The following NAALADL2 variants were observed in gnomAD, a reference collection of about 807,000 sequenced individuals.
NAALADL2 encodes N-acetylated alpha-linked acidic dipeptidase like 2.
Under a neutral mutation model 87.2 loss-of-function variants are expected in NAALADL2, and 76 were observed. The observed-to-expected ratio is 0.87, with a 90% CI of 0.72 to 1.05. The LOEUF (loss-of-function observed/expected upper bound fraction) is 1.05, where lower values mean the gene tolerates loss of function less well. NAALADL2 is among the 50% of genes least tolerant of loss of function. The pLI, the probability that NAALADL2 is intolerant of heterozygous loss-of-function variation, is 0.00. For synonymous variants in NAALADL2, 354 were observed against 331.0 expected, an observed-to-expected ratio of 1.07 and a Z score of -0.75; for missense variants, 1,089 against 945.8, an observed-to-expected ratio of 1.15 and a Z score of -1.99.
chr3:175,504,677 C>A (rs1730052817), intron 9 of NAALADL2, among the ~76,000 whole-genome samples: 1 of 149,556 alleles, frequency 6.7e-6, no homozygotes, highest in African/African-American at 2.5e-5. Flanking sequence ...TCACCAGAAC[C>A]CAACCAATGA....
chr3:175,064,032 T>A (rs1312117004), intron 1 of NAALADL2, among the ~76,000 whole-genome samples: 1 of 152,136 alleles, frequency 6.6e-6, no homozygotes, highest in Non-Finnish European at 1.5e-5. Context: ...CAATGTGAAG[T>A]TCAGAAATCC....
intron 3 of NAALADL2, among the ~76,000 whole-genome samples, chr3:174,807,943 A>AAATTAAGTT (rs1360529083): frequency 1.3e-5 from 2 of 151,818 alleles, no homozygotes; most frequent in African/African-American, 4.8e-5. Context: ...TATAAAGCCC[A>AAATTAAGTT]AATTAAGTTA....
At chr3:175,744,101 C>T in intron 12 of NAALADL2, among the ~76,000 whole-genome samples, 1 of 152,048 alleles carries the variant, frequency 6.6e-6, no homozygotes, top group East Asian at 1.9e-4. Context: ...AACCAGGTTT[C>T]AACTAAAGCA....
chr3:175,401,014 A>G (rs989730736), intron 5 of NAALADL2, among the ~76,000 whole-genome samples: 2 of 152,212 alleles, frequency 1.3e-5, no homozygotes, highest in African/African-American at 4.8e-5. Flanking sequence ...CTCTAAAGTT[A>G]GCGGCTTTCT....
chr3:174,855,635 C>A (rs550770627), upstream of NAALADL2, among the ~76,000 whole-genome samples: 197 of 151,852 alleles, frequency 1.3e-3, 4 homozygotes, highest in Non-Finnish European at 2.0e-3. Flanking sequence ...CTTTTATTCA[C>A]CCTTTCTGAT....
At chr3:174,943,342 G>T (rs1738902690) in intron 1 of NAALADL2, among the ~76,000 whole-genome samples, 1 of 152,192 alleles carries the variant, frequency 6.6e-6, no homozygotes, top group African/African-American at 2.4e-5. Context: ...GTATGCTCCA[G>T]TAGGTGGCAT....
At chr3:175,068,730 T>C (rs1715007289) in intron 1 of NAALADL2, among the ~76,000 whole-genome samples, 1 of 152,104 alleles carries the variant, frequency 6.6e-6, no homozygotes, top group Admixed American at 6.6e-5. Context: ...GGAGATAAGA[T>C]TTATAATTTA....
At chr3:174,710,720 T>C (rs551144542) in intron 2 of NAALADL2, among the ~76,000 whole-genome samples, 10 of 152,266 alleles carry the variant, frequency 6.6e-5, no homozygotes, top group African/African-American at 2.4e-4. Context: ...TCCTAGCTGA[T>C]AGCCAGCAAG....
chr3:174,567,309 A>G (rs897986087), intron 2 of NAALADL2, among the ~76,000 whole-genome samples: 1 of 151,608 alleles, frequency 6.6e-6, no homozygotes, highest in Non-Finnish European at 1.5e-5. Context: ...TAAAATCAAT[A>G]TTGGATTTAT....
At chr3:174,464,821 C>T (rs1315924510) in intron 1 of NAALADL2, among the ~76,000 whole-genome samples, 2 of 151,902 alleles carry the variant, frequency 1.3e-5, no homozygotes, top group Non-Finnish European at 2.9e-5. Context: ...TTAGGATTCA[C>T]TCTTCAGGTA....
chr3:174,466,687 T>A (rs1419371492), intron 1 of NAALADL2, among the ~76,000 whole-genome samples: 1 of 152,108 alleles, frequency 6.6e-6, no homozygotes, highest in African/African-American at 2.4e-5. Flanking sequence ...GTGAGAACAT[T>A]GAATTGTAGG....
chr3:174,799,839 A>G (rs1278890611), intron 3 of NAALADL2, among the ~76,000 whole-genome samples: 1 of 152,184 alleles, frequency 6.6e-6, no homozygotes, highest in Non-Finnish European at 1.5e-5. Context: ...GATGTCGAAT[A>G]TAAGGTCCAG....
chr3:174,493,274 A>G (rs911946283), intron 1 of NAALADL2, among the ~76,000 whole-genome samples: 3 of 152,206 alleles, frequency 2.0e-5, no homozygotes, highest in Non-Finnish European at 4.4e-5. Context: ...TAGAGTGGAC[A>G]CTAATCTAAT....
At chr3:175,465,264 A>C (rs1447281667) in intron 7 of NAALADL2, among the ~76,000 whole-genome samples, 1 of 151,788 alleles carries the variant, frequency 6.6e-6, no homozygotes, top group Non-Finnish European at 1.5e-5. Context: ...AAAAAAAAAA[A>C]AAAAAGACTA....
At chr3:175,385,860 A>G (rs960770475) in intron 5 of NAALADL2, among the ~76,000 whole-genome samples, 1 of 152,104 alleles carries the variant, frequency 6.6e-6, no homozygotes, top group Admixed American at 6.6e-5. Flanking sequence ...ATACAAGAGA[A>G]GTGACTACCC....
At chr3:175,449,072 C>T (rs1721125367) in intron 6 of NAALADL2, among the ~76,000 whole-genome samples, 1 of 151,920 alleles carries the variant, frequency 6.6e-6, no homozygotes, top group East Asian at 1.9e-4. Context: ...TCTTTGTTAT[C>T]AAATAACTAC....
At chr3:175,533,065 C>T (rs982716787) in intron 9 of NAALADL2, among the ~76,000 whole-genome samples, 10 of 152,166 alleles carry the variant, frequency 6.6e-5, no homozygotes, top group Non-Finnish European at 1.2e-4. Context: ...CGTATTCCAA[C>T]TAACCAAACA....
At chr3:174,819,251 C>CAG (rs1317685439) in intron 3 of NAALADL2, among the ~76,000 whole-genome samples, 1 of 151,214 alleles carries the variant, frequency 6.6e-6, no homozygotes, top group African/African-American at 2.4e-5. Flanking sequence ...GTTTTGTAGA[C>CAG]AGAGGGTTTC....
Position 175,297,536 on chromosome 3 carries a change from G to A in NAALADL2, c.940-26639G>A, listed in dbSNP as rs895508996. ...GTGACAAAATTGCCTTTCCCTATTT[G>A]TGTAAGTTGGTTAGTATGTCTTTAT... On this transcript the variant is annotated intron_variant, in intron 4 of 13. Transcript: ENST00000454872. Among the ~76,000 whole-genome samples, 9 of 152,148 alleles carry A rather than the reference G, an allele frequency of 5.9e-5. No individual in the cohort carries two copies. The East Asian group carries it at 7.7e-4, about 13-fold the overall frequency.
Sources: gnomAD v4.1 joint callset for allele counts (sites outside exome capture counted in the v4.1 genomes callset) on GRCh38, gnomAD v4.1.1 for gene constraint, MANE v1.5 for transcripts, NCBI Gene and HGNC (gene_info 2026-07-23, HGNC 2026-07-21) for gene names.